The following CAST variants were observed in gnomAD, a reference collection of about 807,000 sequenced individuals.
CAST encodes calpastatin.
In CAST, 76 loss-of-function variants were observed where a neutral mutation model predicts 119.6. The ratio of observed to expected loss-of-function variants is 0.64; its 90% CI spans 0.53 to 0.77. The LOEUF (loss-of-function observed/expected upper bound fraction) is 0.77. CAST is among the 30% of genes least tolerant of loss of function. The probability of loss-of-function intolerance (pLI) is 0.00; values close to 1 mark genes in which losing one functional copy is unlikely to be tolerated. For missense variants in CAST, 953 were observed against 946.5 expected, an observed-to-expected ratio of 1.01 and a Z score of -0.09; for synonymous variants, 319 against 331.6, an observed-to-expected ratio of 0.96 and a Z score of 0.41.
the CAST span, among the ~76,000 whole-genome samples, chr5:96,400,379 C>G: frequency 6.6e-6 from 1 of 152,182 alleles, no homozygotes; most frequent in African/African-American, 2.4e-5. Context: ...GAAAACTTCT[C>G]CCTGTAACAT....
the CAST span, among the ~76,000 whole-genome samples, chr5:96,366,949 C>A: frequency 6.6e-6 from 1 of 152,132 alleles, no homozygotes. Context: ...TTTTCCCCAT[C>A]TTTTTGGTTT....
At chr5:96,607,616 G>A (rs571443839) in intron 1 of CAST, among the ~76,000 whole-genome samples, 126 of 77,632 alleles carry the variant, frequency 1.6e-3, no homozygotes, top group Non-Finnish European at 3.0e-3. Context: ...GTTTAAACAC[G>A]TATTTGTGCT....
the CAST span, among the ~76,000 whole-genome samples, chr5:96,413,225 A>G: frequency 6.6e-6 from 1 of 152,196 alleles, no homozygotes; most frequent in Admixed American, 6.5e-5. Context: ...TTCACCCCCA[A>G]GGGGAATCAT....
chr5:96,384,261 G>A, the CAST span, among the ~76,000 whole-genome samples: 1 of 152,122 alleles, frequency 6.6e-6, no homozygotes. Context: ...TGATTGTGGT[G>A]GGAACAAAAC....
the CAST span, among the ~76,000 whole-genome samples, chr5:96,452,447 A>G: frequency 1.3e-5 from 2 of 152,028 alleles, no homozygotes; most frequent in Non-Finnish European, 2.9e-5. Context: ...AACAATGAGA[A>G]TACATGGACA....
intron 1 of CAST, among the ~76,000 whole-genome samples, chr5:96,663,956 AT>A (rs1174320562): frequency 6.7e-6 from 1 of 149,010 alleles, no homozygotes; most frequent in Non-Finnish European, 1.5e-5. Flanking sequence ...AAAAAAAAAA[AT>A]CACACACAGG....
intron 1 of CAST, among the ~76,000 whole-genome samples, chr5:96,577,851 T>G (rs1746702277): frequency 6.6e-6 from 1 of 152,190 alleles, no homozygotes; most frequent in Non-Finnish European, 1.5e-5. Context: ...TTTACTGTTT[T>G]GGGATGGAAT....
At chr5:96,450,316 T>C in the CAST span, among the ~76,000 whole-genome samples, 2 of 152,220 alleles carry the variant, frequency 1.3e-5, no homozygotes, top group African/African-American at 4.8e-5. Flanking sequence ...CTGGACATCA[T>C]TGTTCTTAGT....
the CAST span, among the ~76,000 whole-genome samples, chr5:96,167,844 G>A: frequency 7.9e-5 from 12 of 152,326 alleles, no homozygotes; most frequent in South Asian, 2.1e-4. Flanking sequence ...TCAATTTGCC[G>A]GTCCTGGGCG....
At chr5:96,572,852 T>C (rs1746594256) in intron 1 of CAST, among the ~76,000 whole-genome samples, 1 of 152,208 alleles carries the variant, frequency 6.6e-6, no homozygotes, top group Admixed American at 6.5e-5. Flanking sequence ...TGTGTTTGTC[T>C]ACCAAGTGTT....
chr5:96,422,895 A>AG, the CAST span, among the ~76,000 whole-genome samples: 7,016 of 149,644 alleles, frequency 0.047, 236 homozygotes, highest in East Asian at 0.2. Context: ...TTTGCATGGA[A>AG]GGAATCACAT....
intron 30 of CAST, among the ~76,000 whole-genome samples, chr5:96,771,134 A>G (rs1772143746): frequency 6.6e-6 from 1 of 152,212 alleles, no homozygotes; most frequent in African/African-American, 2.4e-5. Context: ...CCTGTAGTAG[A>G]TTCCCTTAAG....
At chr5:96,739,196 A>G (rs1419631089) in intron 11 of CAST, among the ~76,000 whole-genome samples, 1 of 152,212 alleles carries the variant, frequency 6.6e-6, no homozygotes, top group Non-Finnish European at 1.5e-5. Context: ...GACAATTCCT[A>G]TAGTTTTCCT....
chr5:96,517,548 A>C, the CAST span, among the ~76,000 whole-genome samples: 7 of 152,226 alleles, frequency 4.6e-5, no homozygotes, highest in Admixed American at 4.6e-4. Context: ...AGATTTGGGA[A>C]GGAGGATACA....
At chr5:96,429,437 AAATT>A in the CAST span, 1 of 644,272 alleles carries the variant, frequency 1.6e-6, no homozygotes, top group Non-Finnish European at 2.8e-6. Flanking sequence ...CTGGTATCTG[AAATT>A]AATATTTTTT....
the CAST span, among the ~76,000 whole-genome samples, chr5:96,479,450 C>CTT: frequency 7.0e-4 from 81 of 115,312 alleles, 6 homozygotes; most frequent in East Asian, 3.1e-3. Flanking sequence ...CCAGGCACTC[C>CTT]TTATTTTTTT....
intron 16 of CAST, among the ~76,000 whole-genome samples, chr5:96,745,447 C>A (rs565038807): frequency 1.3e-5 from 2 of 152,054 alleles, no homozygotes; most frequent in Non-Finnish European, 2.9e-5. Flanking sequence ...TATTATTGTG[C>A]GTATCCTGTT....
rs1772387845 is a variant in CAST at position 96,771,647 on chromosome 5, A to G, written c.2344A>G (p.Thr782Ala). The change falls in exon 31 of 32, where the codon ACA becomes GCA. Residue 782 changes from threonine to alanine, a missense_variant. Physicochemically the swap from Thr to Ala is moderately conservative, Grantham distance 58 (BLOSUM62 0). Transcript: ENST00000675179. Reference protein sequence around the residue: ...GGKAKDSAKTTEETSKPKDD With the variant: ...GGKAKDSAKTAEETSKPKDD ...ATGGTTTTGCTTTCCCTTTTAGACA[A>G]CAGAGGAAACTTCCAAGCCAAAAGA... 6.2e-7 allele frequency: 1 copy of G among 1,611,990 alleles called. No individual in the cohort carries two copies. Among genetic ancestry groups the G allele is most frequent in the African/African-American group, 1.3e-5 (1 of 74,820 alleles).
the CAST span, among the ~76,000 whole-genome samples, chr5:96,235,583 A>C: frequency 1.5e-4 from 23 of 152,076 alleles, no homozygotes; most frequent in African/African-American, 5.3e-4. Context: ...GGGAGCTTGA[A>C]TCTCCCCACT....
Sources: gnomAD v4.1 joint callset for allele counts (sites outside exome capture counted in the v4.1 genomes callset) on GRCh38, gnomAD v4.1.1 for gene constraint, MANE v1.5 for transcripts, NCBI Gene and HGNC (gene_info 2026-07-23, HGNC 2026-07-21) for gene names.